Variants in EXOC3L4 observed in about 807,000 individuals in gnomAD.
EXOC3L4 encodes exocyst complex component 3 like 4, also known as exocyst complex component 3-like protein 4.
A neutral mutation model predicts 69.7 loss-of-function variants in EXOC3L4; 62 were observed. The observed-to-expected ratio is 0.89, with a 90% CI of 0.72 to 1.10. EXOC3L4 has a LOEUF of 1.10. Ranked by LOEUF, EXOC3L4 falls within the 50% of genes least tolerant of loss-of-function variation. EXOC3L4 has a pLI of 0.00. For synonymous variants in EXOC3L4, 502 were observed against 464.2 expected (o/e 1.08, Z -1.05); for missense variants, 1,087 against 1,034.8 (o/e 1.05, Z -0.69).
rs890421326 is a variant in EXOC3L4 at position 103,102,770 on chromosome 14, C to T, written c.1047C>T (p.Gly349=). The change falls in exon 3 of 12, where the codon GGC becomes GGT. Residue 349 remains glycine, a splice_region_variant and synonymous_variant. Transcript: ENST00000688303. ...ILLDWAANVY[G]SPDFLGAPGL... is the part of the protein sequence containing the mutation. Reference sequence around the variant, plus strand: ...TGGACTGGGCCGCCAACGTCTACGGCAGGTGAGTCTCGGCCAGGGCGCCCA... The same window carrying T: ...TGGACTGGGCCGCCAACGTCTACGGTAGGTGAGTCTCGGCCAGGGCGCCCA... 1.3e-5 allele frequency: 17 copies of T among 1,347,930 alleles called. No individual in the cohort carries two copies. The African/African-American group carries it at 2.0e-4, about 16-fold the overall frequency. 83.5% of individuals were successfully genotyped at this position (1,347,930 alleles called of 1,614,324 possible). A position where few individuals can be genotyped will look rare whatever the true frequency, so the allele number is the denominator to read the frequency against.
chr14:103,103,795 CGCGTGTGT>C lies in EXOC3L4; in HGVS notation c.1050-144_1050-137del, dbSNP rs1274163700. 1.1e-4 allele frequency: 48 copies of C among 442,368 alleles called. 1 individual carries two copies. The highest frequency in any genetic ancestry group is 9.5e-4 in the African/African-American group (40 of 42,182). The allele number at this position is 442,368 out of a possible 1,614,324, so 27.4% of individuals were successfully genotyped here. ...TGGCATGGCAGCCTAGAGGCGCGCG[CGCGTGTGT>C]GTGTGTGTGTGTGTGTGTGTGTGTG... On this transcript the variant is annotated intron_variant, in intron 3 of 11. Coordinates refer to ENST00000688303, the MANE Select transcript of EXOC3L4 (RefSeq NM_001077594.2).
In EXOC3L4 at chr14:103,102,102, T is replaced by C. The variant is rs369873935; in HGVS notation, c.395-16T>C. ...GGGGCGGTCCCTCTCACCGCCCTTC[T>C]CGCCCGCCTGTGCAGAAGGCAAATC... On this transcript the variant is annotated splice_polypyrimidine_tract_variant and intron_variant, in intron 2 of 11. Transcript: ENST00000688303. The C allele has an allele frequency of 8.8e-6, 14 of 1,586,306 alleles. No homozygotes were observed. Among genetic ancestry groups the C allele is most frequent in the Non-Finnish European group, 1.2e-5 (14 of 1,167,022 alleles).
chr14:103,104,925 G>A, intron 6 of EXOC3L4, 67 bp from the exon 7 acceptor site: 4 of 1,574,892 alleles, frequency 2.5e-6, no homozygotes, highest in Non-Finnish European at 3.5e-6. Context: ...ACCTGATTGG[G>A]AGGGTGGACC....
intron 5 of EXOC3L4, 30 bp from the exon 6 acceptor site, chr14:103,104,708 G>T: frequency 1.4e-6 from 2 of 1,455,040 alleles, no homozygotes; most frequent in South Asian, 1.4e-5. Context: ...GGGGCTGGGA[G>T]GCACGCTCAG....
intron 5 of EXOC3L4, 117 bp from the exon 6 acceptor site, chr14:103,104,621 G>A (rs1890427355): frequency 8.1e-7 from 1 of 1,234,940 alleles, no homozygotes; most frequent in Non-Finnish European, 1.1e-6. Flanking sequence ...AAAGCTGGAG[G>A]GGCCAAGACT....
Position 103,102,489 on chromosome 14 carries a change from C to T in EXOC3L4, c.766C>T (p.Arg256Cys). The T allele has an allele frequency of 3.6e-6, 5 of 1,387,042 alleles. No homozygotes were observed. Among genetic ancestry groups the T allele is most frequent in the Admixed American group, 3.7e-5 (1 of 27,294 alleles). The allele number at this position is 1,387,042 out of a possible 1,614,324, so 85.9% of individuals were successfully genotyped here. Residue 256 changes from arginine (R) to cysteine (C), a missense_variant, in exon 3 of 12, where the codon CGC (arginine) becomes TGC (cysteine). Arg to Cys is a radical substitution (Grantham distance 180). Coordinates refer to ENST00000688303, the MANE Select transcript of EXOC3L4 (RefSeq NM_001077594.2). ...GGCGGTGCGGCGAAGCGCTCAGGAG[C>T]GCGTGCGGCGGCCGGGCGCGGGGTG... ...EEAVRRSAQERVRRPGAGWAF... is the reference protein window; with the variant it reads ...EEAVRRSAQECVRRPGAGWAF...
chr14:103,097,428 TG>T lies in EXOC3L4; in HGVS notation c.-17+2592del, dbSNP rs1889943328. Among the ~76,000 whole-genome samples, 1 of 151,414 alleles carries T rather than the reference TG, an allele frequency of 6.6e-6. No homozygotes were observed. The highest frequency in any genetic ancestry group is 1.5e-5 in the Non-Finnish European group (1 of 67,844). ...GAGCCAGAGAGAGTCCATGGGGGTGTGGGGAGGCAGGCACAGGGACAGGCCA... is the reference window on the plus strand; with the variant it reads ...GAGCCAGAGAGAGTCCATGGGGGTGTGGGAGGCAGGCACAGGGACAGGCCA... On this transcript the variant is annotated intron_variant, in intron 1 of 11. Transcript: ENST00000688303. The surrounding 1 kb of genome is among the most constrained non-coding windows in gnomAD (Gnocchi z 4.9).
intron 1 of EXOC3L4, chr14:103,098,963 C>A (rs112543672): frequency 1.4e-5 from 2 of 145,796 alleles, no homozygotes; most frequent in Non-Finnish European, 3.0e-5. Context: ...TGCTGGAGGG[C>A]GAGGGTGGGT....
At chr14:103,108,660 C>G in intron 11 of EXOC3L4, 143 bp downstream of exon 11, 3 of 1,157,540 alleles carry the variant, frequency 2.6e-6, no homozygotes, top group African/African-American at 1.5e-5. Flanking sequence ...CCCTCAGACC[C>G]TCAAGGCTGG....
chr14:103,107,437 T>A lies in EXOC3L4; in HGVS notation c.1595T>A (p.Val532Asp). 1 of 1,613,868 alleles carries A rather than the reference T, an allele frequency of 6.2e-7. No homozygotes were observed. Among genetic ancestry groups the A allele is most frequent in the East Asian group, 2.2e-5 (1 of 44,870 alleles). The part of the protein sequence containing the change: ...LQRELQPLFR[V>D]VCTRDWLTQD... ...CTCTGTCCCCAGCCGCTCTTCAGGG[T>A]TGTGTGCACCAGGGACTGGCTGACG... is the stretch of plus-strand genomic sequence containing the variant. Residue 532 changes from valine (V) to aspartate (D), a missense_variant, in exon 9 of 12, where the codon GTT becomes GAT. By Grantham distance (152) the Val-to-Asp change is radical. Coordinates refer to ENST00000688303, the MANE Select transcript of EXOC3L4 (RefSeq NM_001077594.2).
intron 11 of EXOC3L4, among the ~76,000 whole-genome samples, 158 bp downstream of exon 11, chr14:103,108,675 G>A (rs961704395): frequency 3.3e-5 from 5 of 152,124 alleles, no homozygotes; most frequent in Non-Finnish European, 5.9e-5. Context: ...GGCTGGAGGG[G>A]GAATGGAGAG....
rs75862237 is a variant in EXOC3L4 at position 103,099,458 on chromosome 14, G to C, written c.-16-746G>C. The stretch of plus-strand genomic sequence containing the variant: ...TGCTATGGTGGAGAGGGAGAGGAGT[G>C]GGGGGAGGAGGAGAGGCAATGGGTG... On this transcript the variant is annotated intron_variant, in intron 1 of 11. Coordinates refer to ENST00000688303, the MANE Select transcript of EXOC3L4 (RefSeq NM_001077594.2). 5.4e-3 allele frequency among the ~76,000 whole-genome samples: 815 copies of C among 152,290 alleles called. 10 individuals carry two copies. The highest frequency in any genetic ancestry group is 0.017 in the African/African-American group (719 of 41,570).
Position 103,102,507 on chromosome 14 carries a change from G to T in EXOC3L4, c.784G>T (p.Ala262Ser). ...TCAGGAGCGCGTGCGGCGGCCGGGC[G>T]CGGGGTGGGCCTTCGGGGAGGCGGA... ...SAQERVRRPGAGWAFGEAEGA... is the reference protein window; with the variant it reads ...SAQERVRRPGSGWAFGEAEGA... Residue 262 changes from alanine to serine, a missense_variant, in exon 3 of 12, where the codon GCG becomes TCG. Coordinates refer to ENST00000688303, the MANE Select transcript of EXOC3L4 (RefSeq NM_001077594.2). The T allele has an allele frequency of 1.4e-6, 2 of 1,382,162 alleles. No homozygotes were observed. Among genetic ancestry groups the T allele is most frequent in the South Asian group, 1.6e-5 (1 of 60,998 alleles). The allele number at this position is 1,382,162 out of a possible 1,614,324, so 85.6% of individuals were successfully genotyped here. A position where few individuals can be genotyped will look rare whatever the true frequency, so the allele number is the denominator to read the frequency against.
chr14:103,102,053 G>C, intron 2 of EXOC3L4, 65 bp from the exon 3 acceptor site: 3 of 1,495,972 alleles, frequency 2.0e-6, no homozygotes, highest in Non-Finnish European at 1.8e-6. Context: ...GTGGCCTGCA[G>C]GTCTTCGTCC....
intron 7 of EXOC3L4, among the ~76,000 whole-genome samples, 165 bp downstream of exon 7, chr14:103,105,237 G>A (rs1471739761): frequency 1.3e-5 from 2 of 148,706 alleles, no homozygotes; most frequent in Non-Finnish European, 3.0e-5. Flanking sequence ...GTGTGTGTGC[G>A]TGTGTGTGTA....
At chr14:103,106,953 A>G (rs2139506639) in intron 8 of EXOC3L4, 54 bp downstream of exon 8, 1 of 1,388,732 alleles carries the variant, frequency 7.2e-7, no homozygotes, top group Non-Finnish European at 9.8e-7. Context: ...GGCACCCCCT[A>G]TTTCCTAGAG....
chr14:103,108,615 G>C, intron 11 of EXOC3L4, 98 bp downstream of exon 11: 1 of 1,507,286 alleles, frequency 6.6e-7, no homozygotes, highest in Non-Finnish European at 8.9e-7. Flanking sequence ...ACTGCCCAGG[G>C]GCCTGAAGAC....
Position 103,104,256 on chromosome 14 carries a change from T to C in EXOC3L4, c.1162-11T>C. 7.6e-6 allele frequency: 12 copies of C among 1,574,832 alleles called. No homozygotes were observed. Among genetic ancestry groups the C allele is most frequent in the Non-Finnish European group, 1.0e-5 (12 of 1,161,748 alleles). On this transcript the variant is annotated splice_polypyrimidine_tract_variant and intron_variant, in intron 4 of 11. Transcript: ENST00000688303. The stretch of plus-strand genomic sequence containing the variant: ...GAGGGTCTCACCACGGCCCATCCCT[T>C]CTCCCCCCAGGCCAAGATCGCAAGC...
chr14:103,099,952 G>A (rs979957475), intron 1 of EXOC3L4, among the ~76,000 whole-genome samples: 1 of 152,202 alleles, frequency 6.6e-6, no homozygotes, highest in Admixed American at 6.5e-5. Context: ...CACCTGCGGA[G>A]ACCCTTTTTG....
Sources: allele counts gnomAD v4.1 joint callset (sites outside exome capture counted in the v4.1 genomes callset), GRCh38; gene constraint gnomAD v4.1.1; non-coding constraint Gnocchi (gnomAD v3.1); transcripts MANE v1.5; gene names NCBI Gene and HGNC (gene_info 2026-07-23, HGNC 2026-07-21).